Variants in FSTL4 observed in about 807,000 individuals in gnomAD.
The protein encoded by FSTL4 is follistatin like 4.
In FSTL4, 28 loss-of-function variants were observed where a neutral mutation model predicts 78.2. The ratio of observed to expected loss-of-function variants is 0.36; its 90% CI spans 0.27 to 0.49. The LOEUF is 0.49. FSTL4 is among the 20% of genes least tolerant of loss of function. The probability of loss-of-function intolerance (pLI) is 0.98; values close to 1 mark genes in which losing one functional copy is unlikely to be tolerated. For missense variants in FSTL4, 922 were observed against 1,084.9 expected (o/e 0.85, Z 2.11); for synonymous variants, 422 against 440.5 (o/e 0.96, Z 0.53).
At chr5:133,747,819 T>C in the FSTL4 span, among the ~76,000 whole-genome samples, 2 of 152,192 alleles carry the variant, frequency 1.3e-5, no homozygotes, top group Non-Finnish European at 2.9e-5. Flanking sequence ...GGGCTGGTGT[T>C]GGACTGGCTC....
At chr5:133,808,955 G>T in the FSTL4 span, among the ~76,000 whole-genome samples, 1 of 151,224 alleles carries the variant, frequency 6.6e-6, no homozygotes, top group East Asian at 1.9e-4. Context: ...CTGTCAGGAC[G>T]TGTGGTCACT....
At chr5:133,218,091 G>C (rs1295584725) in intron 12 of FSTL4, among the ~76,000 whole-genome samples, 1 of 152,082 alleles carries the variant, frequency 6.6e-6, no homozygotes, top group Non-Finnish European at 1.5e-5. Flanking sequence ...AGCTCCACTT[G>C]GTTGTTCAAA....
At chr5:133,535,250 G>GC (rs1390212183) in intron 3 of FSTL4, among the ~76,000 whole-genome samples, 1 of 152,232 alleles carries the variant, frequency 6.6e-6, no homozygotes, top group African/African-American at 2.4e-5. Flanking sequence ...TTGGGAGCAA[G>GC]CCCCCCAAAA....
intron 3 of FSTL4, among the ~76,000 whole-genome samples, chr5:133,537,053 C>T (rs981771353): frequency 4.6e-5 from 7 of 152,126 alleles, no homozygotes; most frequent in Admixed American, 4.6e-4. Flanking sequence ...AAACTGTTTC[C>T]CAAAAGAGTT....
chr5:133,508,486 G>A (rs1758658749), intron 3 of FSTL4, among the ~76,000 whole-genome samples: 1 of 152,186 alleles, frequency 6.6e-6, no homozygotes, highest in Non-Finnish European at 1.5e-5. Flanking sequence ...TAAGGATTAT[G>A]CTGTGATGTG....
intron 6 of FSTL4, among the ~76,000 whole-genome samples, chr5:133,282,793 C>G (rs1341645613): frequency 6.6e-6 from 1 of 152,180 alleles, no homozygotes; most frequent in African/African-American, 2.4e-5. Context: ...GTCACCCTTG[C>G]CCTAGTTGTC....
At chr5:133,227,581 C>T (rs983258075) in intron 8 of FSTL4, among the ~76,000 whole-genome samples, 1 of 152,094 alleles carries the variant, frequency 6.6e-6, no homozygotes, top group African/African-American at 2.4e-5. Context: ...CATAGAGCCA[C>T]CAGAGTTCTA....
chr5:133,695,254 C>A, the FSTL4 span, among the ~76,000 whole-genome samples: 1 of 152,192 alleles, frequency 6.6e-6, no homozygotes, highest in South Asian at 2.1e-4. Context: ...ACATTCTCAA[C>A]TTTCCCTCAT....
the FSTL4 span, among the ~76,000 whole-genome samples, chr5:133,771,207 CTT>C: frequency 6.6e-6 from 1 of 151,920 alleles, no homozygotes; most frequent in East Asian, 1.9e-4. Flanking sequence ...GATTCAGGCT[CTT>C]TTTTGATTCC....
the FSTL4 span, among the ~76,000 whole-genome samples, chr5:133,653,934 T>G: frequency 6.6e-6 from 1 of 152,240 alleles, no homozygotes; most frequent in Non-Finnish European, 1.5e-5. Context: ...TCATTATTCC[T>G]TTCTTTATTC....
the FSTL4 span, among the ~76,000 whole-genome samples, chr5:133,815,511 G>A: frequency 1.3e-4 from 20 of 152,272 alleles, no homozygotes; most frequent in East Asian, 9.7e-4. Context: ...CTCGAAATAC[G>A]ACTGTCCTCA....
intron 6 of FSTL4, among the ~76,000 whole-genome samples, chr5:133,299,581 G>A (rs1753485218): frequency 6.6e-6 from 1 of 152,166 alleles, no homozygotes; most frequent in Admixed American, 6.5e-5. Context: ...GCCCTGCTCA[G>A]CCCAGGCCTT....
chr5:133,814,063 G>C, the FSTL4 span, among the ~76,000 whole-genome samples: 12 of 152,236 alleles, frequency 7.9e-5, no homozygotes, highest in African/African-American at 2.9e-4. Flanking sequence ...TGGGAAACCA[G>C]GGACTGTCAC....
chr5:133,815,436 T>C, the FSTL4 span, among the ~76,000 whole-genome samples: 12 of 152,150 alleles, frequency 7.9e-5, no homozygotes, highest in African/African-American at 2.7e-4. Flanking sequence ...GAGATTCACG[T>C]TGGGTAAAAA....
At chr5:133,651,168 A>G in the FSTL4 span, among the ~76,000 whole-genome samples, 29,169 of 152,066 alleles carry the variant, frequency 0.19, 2,915 homozygotes, top group Middle Eastern at 0.41. Flanking sequence ...ATAGATGATC[A>G]TGTCATCTGC....
At chr5:133,599,704 GC>G (rs1760815190) in intron 2 of FSTL4, among the ~76,000 whole-genome samples, 1 of 152,050 alleles carries the variant, frequency 6.6e-6, no homozygotes, top group African/African-American at 2.4e-5. Context: ...TGGGTGAGAT[GC>G]TGGTGCTGGA....
the FSTL4 span, among the ~76,000 whole-genome samples, chr5:133,835,124 A>C: frequency 6.6e-6 from 1 of 152,142 alleles, no homozygotes; most frequent in Admixed American, 6.6e-5. Context: ...AAAGACAGCA[A>C]CCTCCATGGT....
At chr5:133,309,311 C>T (rs182700630) in intron 6 of FSTL4, among the ~76,000 whole-genome samples, 10 of 152,280 alleles carry the variant, frequency 6.6e-5, no homozygotes, top group African/African-American at 2.4e-4. Flanking sequence ...CCTAGATCAG[C>T]CTGTGGTTTG....
At chr5:133,369,511 G>T (rs1755246447) in intron 4 of FSTL4, among the ~76,000 whole-genome samples, 1 of 152,158 alleles carries the variant, frequency 6.6e-6, no homozygotes, top group Admixed American at 6.5e-5. Flanking sequence ...GGGAGAAACT[G>T]AAGCCACCTG....
Sources: allele counts gnomAD v4.1 joint callset (sites outside exome capture counted in the v4.1 genomes callset), GRCh38; gene constraint gnomAD v4.1.1; transcripts MANE v1.5; gene names NCBI Gene and HGNC (gene_info 2026-07-23, HGNC 2026-07-21).